PPP4R3B: variants seen among roughly 807,000 people sequenced by gnomAD.
PPP4R3B encodes serine/threonine-protein phosphatase 4 regulatory subunit 3B.
In PPP4R3B, 52 loss-of-function variants were observed where a neutral mutation model predicts 95.4. The observed-to-expected ratio is 0.54, with a 90% CI of 0.44 to 0.69. The LOEUF (loss-of-function observed/expected upper bound fraction) is 0.69, where lower values mean the gene tolerates loss of function less well. Among genes scored for constraint, PPP4R3B ranks in the 30% least tolerant of loss-of-function variants. The probability of loss-of-function intolerance (pLI) is 0.00; values close to 1 mark genes in which losing one functional copy is unlikely to be tolerated. For missense variants in PPP4R3B, 1,003 were observed against 1,005.9 expected, an observed-to-expected ratio of 1.00 and a Z score of 0.04; for synonymous variants, 407 against 343.9, an observed-to-expected ratio of 1.18 and a Z score of -2.03.
intron 16 of PPP4R3B, among the ~76,000 whole-genome samples, chr2:55,550,531 T>G (rs1685132816): frequency 6.6e-6 from 1 of 152,208 alleles, no homozygotes; most frequent in African/African-American, 2.4e-5. Flanking sequence ...TAGGGCTAGC[T>G]CGCTGACCAA....
intron 9 of PPP4R3B, 88 bp downstream of exon 9, chr2:55,579,591 A>C: frequency 2.5e-6 from 2 of 798,234 alleles, no homozygotes; most frequent in South Asian, 5.3e-5. Context: ...TGTCTTATAA[A>C]GTCTCAAGTA....
At chr2:55,572,722 G>T (rs956137011) in intron 12 of PPP4R3B, among the ~76,000 whole-genome samples, 2 of 152,092 alleles carry the variant, frequency 1.3e-5, no homozygotes, top group African/African-American at 2.4e-5. Flanking sequence ...CCTATAGAAA[G>T]AAATAAATCA....
Position 55,558,885 on chromosome 2 carries a change from C to T in PPP4R3B, c.2344G>A (p.Ala782Thr), listed in dbSNP as rs773121906. Residue 782 changes from alanine (A) to threonine (T), a missense_variant, in exon 16 of 17, where the codon GCT (alanine) becomes ACT (threonine). By Grantham distance (58) the Ala-to-Thr change is moderately conservative. This residue lies in a region of PPP4R3B where 229 missense variants were observed against 194.7 expected (regional missense o/e 1.18). Transcript: ENST00000616407. ...GATTTACTGTTTGTTCCATTAGCAGCACTGGCAGAGTGGGAGAAAGTAAAT... is the reference window on the plus strand; with the variant it reads ...GATTTACTGTTTGTTCCATTAGCAGTACTGGCAGAGTGGGAGAAAGTAAAT... ...FKFTFSHSAS[A>T]ANGTNSKSVV... is the part of the protein sequence containing the mutation. 1 of 1,614,076 alleles carries T rather than the reference C, an allele frequency of 6.2e-7. No homozygotes were observed. Among genetic ancestry groups the T allele is most frequent in the Non-Finnish European group, 8.5e-7 (1 of 1,179,968 alleles).
chr2:55,559,115 A>T, intron 15 of PPP4R3B, 147 bp from the exon 16 acceptor site: 1 of 595,778 alleles, frequency 1.7e-6, no homozygotes, highest in Non-Finnish European at 2.8e-6. Flanking sequence ...TGGGAGGCTG[A>T]GGCAGGCAGA....
At chr2:55,585,249 C>T in intron 6 of PPP4R3B, 82 bp from the exon 7 acceptor site, 1 of 939,364 alleles carries the variant, frequency 1.1e-6, no homozygotes, top group South Asian at 1.8e-5. Flanking sequence ...CAAATCCATA[C>T]ACTAGCTCTC....
intron 12 of PPP4R3B, among the ~76,000 whole-genome samples, 183 bp downstream of exon 12, chr2:55,573,436 C>G (rs1688255957): frequency 6.6e-6 from 1 of 152,108 alleles, no homozygotes; most frequent in African/African-American, 2.4e-5. Flanking sequence ...TAAATGTGAG[C>G]AATATGTGGG....
intron 2 of PPP4R3B, among the ~76,000 whole-genome samples, chr2:55,606,461 G>C (rs946018525): frequency 4.0e-5 from 6 of 149,664 alleles, no homozygotes; most frequent in African/African-American, 1.5e-4. Flanking sequence ...AAGGCAAGTG[G>C]ATCACTTGAG....
rs181338874 is a variant in PPP4R3B at position 55,551,034 on chromosome 2, C to T, written c.2455-1028G>A. On this transcript the variant is annotated intron_variant, in intron 16 of 16. Transcript: ENST00000616407. ...GTCTGATGTCAAATTCTAATGACACCACGTTTTATGTAAAAAAAAACAAAA... is the reference window on the plus strand; with the variant it reads ...GTCTGATGTCAAATTCTAATGACACTACGTTTTATGTAAAAAAAAACAAAA... 3.8e-4 allele frequency among the ~76,000 whole-genome samples: 58 copies of T among 152,094 alleles called. 1 individual carries two copies. Among genetic ancestry groups the T allele is most frequent in the Admixed American group, 3.6e-3 (55 of 15,262 alleles).
intron 5 of PPP4R3B, among the ~76,000 whole-genome samples, chr2:55,587,963 G>A (rs933541213): frequency 2.0e-5 from 3 of 152,094 alleles, no homozygotes; most frequent in African/African-American, 7.2e-5. Context: ...AGATATTCCT[G>A]TAGCAATTCA....
Position 55,615,464 on chromosome 2 carries a change from T to A in PPP4R3B, c.185A>T (p.Tyr62Phe). ...ACAACTACTTGCCTGTTGTTTCTGA[T>A]ATGCAGTATTTGGATTTATCTTTGA... ...LESKINPNTA[Y>F]QKQQDTLIVW... Residue 62 changes from tyrosine (Y) to phenylalanine (F), a missense_variant, in exon 2 of 17, where the codon TAT (tyrosine) becomes TTT (phenylalanine). Tyr to Phe is a conservative substitution (Grantham distance 22, BLOSUM62 3). Around this residue, in one of 3 missense-constraint regions of PPP4R3B, gnomAD observed 695 missense variants for 686.2 expected, o/e 1.01. Transcript: ENST00000616407. 1 of 1,595,584 alleles carries A rather than the reference T, an allele frequency of 6.3e-7. No individual in the cohort carries two copies. Among genetic ancestry groups the A allele is most frequent in the Non-Finnish European group, 8.5e-7 (1 of 1,169,624 alleles).
intron 2 of PPP4R3B, among the ~76,000 whole-genome samples, chr2:55,613,472 T>C (rs1694472081): frequency 3.9e-5 from 6 of 152,164 alleles, no homozygotes. Context: ...AATGCATTTT[T>C]TCCAATACTT....
At position 55,568,120 on chromosome 2, in the gene PPP4R3B, A is replaced by G. The variant is rs181449772; in HGVS notation, c.1935+74T>C. The G allele has an allele frequency of 7.7e-6, 8 of 1,038,208 alleles. No individual in the cohort carries two copies. The Admixed American group carries it at 1.9e-4, about 25-fold the overall frequency. 64.3% of individuals were successfully genotyped at this position (1,038,208 alleles called of 1,614,324 possible). A position where few individuals can be genotyped will look rare whatever the true frequency, so the allele number is the denominator to read the frequency against. On this transcript the variant is annotated intron_variant, in intron 13 of 16. Transcript: ENST00000616407. The stretch of plus-strand genomic sequence containing the variant: ...AAAAGGGAATGAAGTCACTTTGCTT[A>G]CATGTAATTCTTTTACATAAAAAAT...
chr2:55,571,586 C>A lies in PPP4R3B; in HGVS notation c.1765+2033G>T, dbSNP rs185082367. On this transcript the variant is annotated intron_variant, in intron 12 of 16. Transcript: ENST00000616407. ...TAGGTATTAAACCTTACAAGAGACA[C>A]TATAATGCCTGGCATAATATAATAA... 5.1e-3 allele frequency among the ~76,000 whole-genome samples: 778 copies of A among 152,196 alleles called. 6 individuals are homozygous for A. Among genetic ancestry groups the A allele is most frequent in the Non-Finnish European group, 8.0e-3 (541 of 68,014 alleles).
chr2:55,603,417 G>A (rs2103747865), intron 3 of PPP4R3B, among the ~76,000 whole-genome samples: 1 of 152,222 alleles, frequency 6.6e-6, no homozygotes, highest in African/African-American at 2.4e-5. Context: ...CAATATCCTA[G>A]TTCTAAATAA....
intron 4 of PPP4R3B, among the ~76,000 whole-genome samples, chr2:55,594,603 T>G (rs994698939): frequency 6.6e-6 from 1 of 152,206 alleles, no homozygotes; most frequent in African/African-American, 2.4e-5. Context: ...TAGTATGAAT[T>G]TGGAAACCCT....
intron 2 of PPP4R3B, among the ~76,000 whole-genome samples, chr2:55,606,893 C>T (rs2103803314): frequency 6.6e-6 from 1 of 150,760 alleles, no homozygotes; most frequent in African/African-American, 2.4e-5. Context: ...GGGGTAACTT[C>T]TTGTCAGATC....
intron 13 of PPP4R3B, among the ~76,000 whole-genome samples, chr2:55,566,665 G>T (rs890347046): frequency 6.6e-5 from 10 of 152,174 alleles, no homozygotes; most frequent in African/African-American, 2.4e-4. Flanking sequence ...AATCTGACTT[G>T]TAAGAAATAA....
intron 11 of PPP4R3B, among the ~76,000 whole-genome samples, chr2:55,575,406 A>T (rs1378951534): frequency 6.6e-6 from 1 of 152,180 alleles, no homozygotes; most frequent in African/African-American, 2.4e-5. Flanking sequence ...TCACATGGAC[A>T]ATCATGCACC....
chr2:55,566,379 G>A (rs1043412184), intron 13 of PPP4R3B, among the ~76,000 whole-genome samples: 8 of 152,056 alleles, frequency 5.3e-5, no homozygotes, highest in African/African-American at 1.7e-4. Flanking sequence ...ATGGGCATAG[G>A]GACAGGGTTG....
Sources: allele counts gnomAD v4.1 joint callset (sites outside exome capture counted in the v4.1 genomes callset), GRCh38; gene constraint gnomAD v4.1.1; regional missense constraint gnomAD v4.1.1; transcripts MANE v1.5; gene names NCBI Gene and HGNC (gene_info 2026-07-23, HGNC 2026-07-21).